The following ARL6 variants were observed in gnomAD, a reference collection of about 807,000 sequenced individuals.
ARL6 encodes ADP-ribosylation factor-like protein 6.
ARL6 carries 18 observed loss-of-function variants against 27.1 expected under a neutral mutation model. The ratio of observed to expected loss-of-function variants is 0.66; its 90% CI spans 0.46 to 0.98. The LOEUF (loss-of-function observed/expected upper bound fraction) is 0.98. ARL6 is among the 50% of genes least tolerant of loss of function. ARL6 has a pLI of 0.00. For missense variants in ARL6, 187 were observed against 214.9 expected, an observed-to-expected ratio of 0.87 and a Z score of 0.81; for synonymous variants, 65 against 72.3, an observed-to-expected ratio of 0.90 and a Z score of 0.51.
chr3:97,768,296 T>G (rs2036480482), intron 2 of ARL6, 66 bp downstream of exon 2: 1 of 1,547,140 alleles, frequency 6.5e-7, no homozygotes, highest in African/African-American at 1.4e-5. Flanking sequence ...TGCAGAATTA[T>G]GTTATATGAC....
chr3:97,796,816 G>A (rs984606473), intron 7 of ARL6, among the ~76,000 whole-genome samples: 1 of 152,130 alleles, frequency 6.6e-6, no homozygotes, highest in African/African-American at 2.4e-5. Context: ...GGAAATGCCT[G>A]GAAGAGTCCA....
chr3:97,791,956 A>T, intron 7 of ARL6, 130 bp downstream of exon 7: 1 of 790,076 alleles, frequency 1.3e-6, no homozygotes, highest in Non-Finnish European at 2.1e-6. Context: ...CTATCAGAAA[A>T]AACAATACAG....
intron 5 of ARL6, 107 bp downstream of exon 5, chr3:97,785,156 T>G: frequency 3.5e-6 from 3 of 856,252 alleles, no homozygotes; most frequent in Non-Finnish European, 5.6e-6. Flanking sequence ...TCATTTAAAA[T>G]TTTTGAATTT....
intron 1 of ARL6, among the ~76,000 whole-genome samples, chr3:97,767,531 C>CA (rs5851080): frequency 5.3e-5 from 8 of 150,696 alleles, no homozygotes; most frequent in Admixed American, 2.0e-4. Flanking sequence ...ACCAAGCAAG[C>CA]AAAAAAAAAG....
At chr3:97,781,230 C>T (rs2037182326) in intron 4 of ARL6, among the ~76,000 whole-genome samples, 1 of 152,050 alleles carries the variant, frequency 6.6e-6, no homozygotes, top group African/African-American at 2.4e-5. Flanking sequence ...TTAAAAATAA[C>T]AGTGTTGCCT....
intron 7 of ARL6, among the ~76,000 whole-genome samples, chr3:97,797,161 A>G (rs2038042365): frequency 6.6e-6 from 1 of 152,146 alleles, no homozygotes; most frequent in African/African-American, 2.4e-5. Flanking sequence ...CATAGAGAAA[A>G]TGAGTATAGA....
chr3:97,794,172 T>C (rs1051487549), intron 7 of ARL6, among the ~76,000 whole-genome samples: 1 of 135,648 alleles, frequency 7.4e-6, no homozygotes, highest in Non-Finnish European at 1.6e-5. Flanking sequence ...TATATTTTCT[T>C]TCTTTTGTGT....
intron 2 of ARL6, among the ~76,000 whole-genome samples, chr3:97,770,359 T>C (rs191740036): frequency 3.4e-4 from 52 of 152,246 alleles, no homozygotes; most frequent in Admixed American, 1.5e-3. Context: ...TCAGATCTTT[T>C]ACCCATTTTT....
intron 4 of ARL6, among the ~76,000 whole-genome samples, chr3:97,784,459 G>A (rs543841253): frequency 1.3e-5 from 2 of 149,232 alleles, no homozygotes; most frequent in African/African-American, 4.9e-5. Context: ...ATTTATAAAA[G>A]TAGTAGTAAA....
At chr3:97,765,209 GGGGTGTGTGTGTGTGT>G (rs1294609616) in intron 1 of ARL6, among the ~76,000 whole-genome samples, 8 of 128,048 alleles carry the variant, frequency 6.2e-5, no homozygotes, top group East Asian at 2.6e-4. Flanking sequence ...CCGTGTATTG[GGGGTGTGTGTGTGTGT>G]GTGTGTGTGT....
Position 97,801,030 on chromosome 3 carries a change from C to T in ARL6, c.*2981C>T, listed in dbSNP as rs899981894. On this transcript the variant is annotated 3_prime_UTR_variant, in exon 8 of 8. Coordinates refer to ENST00000463745, the MANE Select transcript of ARL6 (RefSeq NM_001278293.3). ...GAAATTTTGGGAGAACACAAACATT[C>T]AGTCAGTTGCAATACTTAAGGCAAA... is the stretch of plus-strand genomic sequence containing the variant. 6.6e-6 allele frequency: 1 copy of T among 152,184 alleles called. No individual in the cohort carries two copies. The highest frequency in any genetic ancestry group is 1.5e-5 in the Non-Finnish European group (1 of 68,020). The allele number at this position is 152,184 out of a possible 1,614,324, so 9.4% of individuals were successfully genotyped here. A position where few individuals can be genotyped will look rare whatever the true frequency, so the allele number is the denominator to read the frequency against.
chr3:97,774,284 C>T lies in ARL6; in HGVS notation c.124-5875C>T, dbSNP rs60409804. On this transcript the variant is annotated intron_variant, in intron 2 of 7. Transcript: ENST00000463745. ...CACACTCTCAACCTTACCTCTGGGG[C>T]CCCCCCAGGATTTTAGTTATAGTTT... is the stretch of plus-strand genomic sequence containing the variant. Among the ~76,000 whole-genome samples, 57 of 152,124 alleles carry T rather than the reference C, an allele frequency of 3.7e-4. No homozygotes were observed. The East Asian group carries it at 9.7e-3, about 26-fold the overall frequency.
chr3:97,767,314 G>A (rs993084229), intron 1 of ARL6, among the ~76,000 whole-genome samples: 1 of 151,986 alleles, frequency 6.6e-6, no homozygotes, highest in Non-Finnish European at 1.5e-5. Flanking sequence ...GCACTTAGGA[G>A]GATGTTTCAG....
chr3:97,765,736 C>A (rs922294007), intron 1 of ARL6, among the ~76,000 whole-genome samples: 4 of 152,174 alleles, frequency 2.6e-5, no homozygotes, highest in African/African-American at 7.2e-5. Context: ...TCGGATTCAG[C>A]AATTGATTTC....
chr3:97,782,456 C>G (rs563188655), intron 4 of ARL6, among the ~76,000 whole-genome samples: 1 of 151,764 alleles, frequency 6.6e-6, no homozygotes, highest in South Asian at 2.1e-4. Flanking sequence ...GAAAAATCAA[C>G]AATAAAAGTA....
At chr3:97,794,704 T>G (rs906601081) in intron 7 of ARL6, among the ~76,000 whole-genome samples, 3 of 152,166 alleles carry the variant, frequency 2.0e-5, no homozygotes, top group African/African-American at 7.2e-5. Flanking sequence ...TTATATCTGA[T>G]TTTGCTTCCA....
chr3:97,781,099 G>A (rs996467247), intron 4 of ARL6, among the ~76,000 whole-genome samples: 1 of 151,976 alleles, frequency 6.6e-6, no homozygotes. Flanking sequence ...CACCATAGCC[G>A]CCTCCCTAGT....
At chr3:97,772,549 T>G (rs1405265242) in intron 2 of ARL6, among the ~76,000 whole-genome samples, 1 of 151,948 alleles carries the variant, frequency 6.6e-6, no homozygotes, top group African/African-American at 2.4e-5. Flanking sequence ...TTCTATTAAT[T>G]TTGGTTTAGA....
chr3:97,797,587 T>C (rs1006314082), intron 7 of ARL6, among the ~76,000 whole-genome samples: 4 of 152,162 alleles, frequency 2.6e-5, no homozygotes, highest in African/African-American at 4.8e-5. Flanking sequence ...AAGTATATTA[T>C]TTAGAGGTAT....
Sources: allele counts gnomAD v4.1 joint callset (sites outside exome capture counted in the v4.1 genomes callset), GRCh38; gene constraint gnomAD v4.1.1; transcripts MANE v1.5; gene names NCBI Gene and HGNC (gene_info 2026-07-23, HGNC 2026-07-21).